MLLT10: variants seen among roughly 807,000 people sequenced by gnomAD.
The protein encoded by MLLT10 is protein AF-10.
Under a neutral mutation model 129.1 loss-of-function variants are expected in MLLT10, and 30 were observed. The ratio of observed to expected loss-of-function variants is 0.23; its 90% CI spans 0.17 to 0.32. The LOEUF is 0.32. Among genes scored for constraint, MLLT10 ranks in the 10% least tolerant of loss-of-function variants. The pLI is 1.00. For synonymous variants in MLLT10, 490 were observed against 446.4 expected, an observed-to-expected ratio of 1.10 and a Z score of -1.23; for missense variants, 1,119 against 1,268.3, an observed-to-expected ratio of 0.88 and a Z score of 1.79.
chr10:21,632,186 A>G (rs1361151510), intron 8 of MLLT10, among the ~76,000 whole-genome samples: 1 of 152,310 alleles, frequency 6.6e-6, no homozygotes, highest in South Asian at 2.1e-4. Flanking sequence ...TTGAAGACAA[A>G]CAGTAATATA....
intron 3 of MLLT10, among the ~76,000 whole-genome samples, chr10:21,565,945 C>CTTTT (rs1204388391): frequency 1.1e-3 from 90 of 79,388 alleles, no homozygotes; most frequent in Non-Finnish European, 1.4e-3. Flanking sequence ...CAATCTTTGG[C>CTTTT]TTTTTTTTTT....
chr10:21,537,323 A>G (rs1345179609), intron 2 of MLLT10, among the ~76,000 whole-genome samples: 1 of 151,944 alleles, frequency 6.6e-6, no homozygotes, highest in African/African-American at 2.4e-5. Flanking sequence ...TTTGAGGCGG[A>G]GACTCCCTCT....
intron 13 of MLLT10, among the ~76,000 whole-genome samples, chr10:21,686,982 CATAA>C (rs766607017): frequency 1.3e-5 from 2 of 152,038 alleles, no homozygotes; most frequent in Admixed American, 1.3e-4. Flanking sequence ...GACTCTGCTT[CATAA>C]ATAAATAAAT....
intron 14 of MLLT10, among the ~76,000 whole-genome samples, chr10:21,722,716 G>C (rs2057219348): frequency 2.0e-5 from 3 of 152,132 alleles, no homozygotes; most frequent in Non-Finnish European, 2.9e-5. Flanking sequence ...TCCACTAAAA[G>C]GTGGGGGTTT....
At chr10:21,595,162 G>A (rs1032704444) in intron 4 of MLLT10, among the ~76,000 whole-genome samples, 169 bp from the exon 5 acceptor site, 1 of 152,034 alleles carries the variant, frequency 6.6e-6, no homozygotes, top group African/African-American at 2.4e-5. Context: ...TTTTTTGGTA[G>A]TGGTTTGAGT....
chr10:21,541,060 T>G (rs574817512), intron 3 of MLLT10, among the ~76,000 whole-genome samples: 1 of 152,004 alleles, frequency 6.6e-6, no homozygotes, highest in Admixed American at 6.6e-5. Context: ...CTTGGGAGAC[T>G]GAGGCAGGAG....
At chr10:21,709,230 C>CTTTTTTTTT (rs33993302) in intron 13 of MLLT10, among the ~76,000 whole-genome samples, 4 of 143,550 alleles carry the variant, frequency 2.8e-5, no homozygotes, top group Non-Finnish European at 3.0e-5. Context: ...ATTTTATCTG[C>CTTTTTTTTT]TTTTTTTTTT....
At chr10:21,584,662 A>T (rs2041820549) in intron 3 of MLLT10, among the ~76,000 whole-genome samples, 1 of 151,648 alleles carries the variant, frequency 6.6e-6, no homozygotes, top group Non-Finnish European at 1.5e-5. Context: ...ATACTATTTC[A>T]ACTTAATTTT....
chr10:21,713,941 T>A lies in MLLT10; in HGVS notation c.1869T>A (p.Ala623=). 1 of 1,611,116 alleles carries A rather than the reference T, an allele frequency of 6.2e-7. No individual in the cohort carries two copies. Among genetic ancestry groups the A allele is most frequent in the Non-Finnish European group, 8.5e-7 (1 of 1,178,674 alleles). ...TGTCATCTGCAGCCCCTGCTGTTGC[T>A]ACAACTCAGGTAAGTTGTTACACTA... The part of the protein sequence containing the change: ...SAVSSAAPAV[A]TTQANTLSGS... The change falls in exon 14 of 23, where the codon GCT becomes GCA. Residue 623 remains alanine (A), a synonymous_variant. Transcript: ENST00000307729.
chr10:21,710,562 C>T (rs191063748), intron 13 of MLLT10, among the ~76,000 whole-genome samples: 8 of 152,222 alleles, frequency 5.3e-5, no homozygotes, highest in Non-Finnish European at 1.2e-4. Context: ...CTGTAACTTA[C>T]CATGCTTCTC....
At chr10:21,736,197 A>C (rs1222674865) in intron 21 of MLLT10, among the ~76,000 whole-genome samples, 1 of 152,210 alleles carries the variant, frequency 6.6e-6, no homozygotes. Context: ...AGACAGAGGC[A>C]AAAGTGGAAA....
rs546931308 is a variant in MLLT10, at chr10:21,557,279, A to G, written c.240+18367A>G. 2.2e-3 allele frequency: 1,609 copies of G among 728,016 alleles called. 1 individual carries two copies. Among genetic ancestry groups the G allele is most frequent in the Non-Finnish European group, 2.6e-3 (1,446 of 564,748 alleles). 45.1% of individuals were successfully genotyped at this position (728,016 alleles called of 1,614,324 possible). On this transcript the variant is annotated intron_variant, in intron 3 of 22. Transcript: ENST00000307729. ...ATAGTTTATGAAATCTGTATTTGAT[A>G]TAACACTTTCATCATGGACACTGTC...
intron 3 of MLLT10, among the ~76,000 whole-genome samples, chr10:21,543,460 A>C (rs2035553370): frequency 6.6e-6 from 1 of 151,924 alleles, no homozygotes; most frequent in African/African-American, 2.4e-5. Flanking sequence ...AACCTTTTTA[A>C]AATTATATTT....
At chr10:21,726,387 C>G in intron 15 of MLLT10, 32 bp downstream of exon 15, 2 of 1,405,634 alleles carry the variant, frequency 1.4e-6, no homozygotes, top group Non-Finnish European at 2.0e-6. Flanking sequence ...ACTCTAAAAC[C>G]CTACTCTCAC....
chr10:21,708,801 T>A, intron 13 of MLLT10: 3 of 899,010 alleles, frequency 3.3e-6, no homozygotes, highest in Non-Finnish European at 4.0e-6. Flanking sequence ...CAAAGTGTAG[T>A]AGAGACATTA....
intron 14 of MLLT10, among the ~76,000 whole-genome samples, chr10:21,722,513 C>T (rs1467151945): frequency 7.2e-5 from 11 of 152,080 alleles, no homozygotes; most frequent in Admixed American, 7.2e-4. Context: ...AGCTTTCATG[C>T]CCTTGATGCT....
chr10:21,713,162 G>T (rs954050217), intron 13 of MLLT10, among the ~76,000 whole-genome samples: 7 of 152,114 alleles, frequency 4.6e-5, no homozygotes, highest in African/African-American at 1.7e-4. Context: ...TACCCCTGCA[G>T]CTGCCCCATA....
At chr10:21,669,728 G>A (rs1238266465) in intron 9 of MLLT10, among the ~76,000 whole-genome samples, 2 of 151,984 alleles carry the variant, frequency 1.3e-5, no homozygotes, top group Admixed American at 6.6e-5. Flanking sequence ...ACCATTATTT[G>A]GGTATACCTT....
At position 21,716,000 on chromosome 10, in the gene MLLT10, T is replaced by A. The variant is rs1361912278; in HGVS notation, c.1878+2050T>A. On this transcript the variant is annotated intron_variant, in intron 14 of 22. Coordinates refer to ENST00000307729, the MANE Select transcript of MLLT10 (RefSeq NM_001195626.3). ...TAGCCTGGCTTATCTGGTGCTGCTG[T>A]AGCAACCATCAGTCTCCAGGCAACT... 3.3e-5 allele frequency among the ~76,000 whole-genome samples: 5 copies of A among 152,364 alleles called. No homozygotes were observed. In the East Asian group the frequency reaches 9.6e-4, roughly 29 times the overall value.
Sources: allele counts gnomAD v4.1 joint callset (sites outside exome capture counted in the v4.1 genomes callset), GRCh38; gene constraint gnomAD v4.1.1; transcripts MANE v1.5; gene names NCBI Gene and HGNC (gene_info 2026-07-23, HGNC 2026-07-21).